CADM2: variants seen among roughly 807,000 people sequenced by gnomAD.
CADM2 encodes immunoglobulin superfamily member 4D.
CADM2 carries 12 observed loss-of-function variants against 49.8 expected under a neutral mutation model. The observed-to-expected ratio is 0.24, with a 90% CI of 0.15 to 0.39. The LOEUF (loss-of-function observed/expected upper bound fraction) is 0.39. CADM2 is among the 10% of genes least tolerant of loss of function. The pLI, the probability that CADM2 is intolerant of heterozygous loss-of-function variation, is 1.00. For synonymous variants in CADM2, 214 were observed against 175.4 expected, an observed-to-expected ratio of 1.22 and a Z score of -1.74; for missense variants, 378 against 492.3, an observed-to-expected ratio of 0.77 and a Z score of 2.20.
chr3:85,321,183 AAGAG>A (rs200464117), intron 1 of CADM2, among the ~76,000 whole-genome samples: 1 of 96,192 alleles, frequency 1.0e-5, no homozygotes, highest in African/African-American at 3.9e-5. Flanking sequence ...GAGAGAAAGA[AAGAG>A]AGAGAGAGAG....
At chr3:85,442,425 A>G (rs1021683946) in intron 1 of CADM2, among the ~76,000 whole-genome samples, 1 of 151,400 alleles carries the variant, frequency 6.6e-6, no homozygotes, top group Non-Finnish European at 1.5e-5. Context: ...TGTCAAGGGC[A>G]TTGATTTGTA....
chr3:85,423,032 G>C (rs1212065408), intron 1 of CADM2, among the ~76,000 whole-genome samples: 2 of 152,156 alleles, frequency 1.3e-5, no homozygotes. Flanking sequence ...GGTGAATGCA[G>C]GGATTTTATT....
intron 1 of CADM2, among the ~76,000 whole-genome samples, chr3:84,995,481 G>T (rs2033135546): frequency 1.3e-5 from 2 of 152,190 alleles, no homozygotes; most frequent in South Asian, 4.1e-4. Context: ...ATAACGGAAA[G>T]AAGCTTTAAT....
chr3:85,218,774 C>A (rs550750515), intron 1 of CADM2, among the ~76,000 whole-genome samples: 91 of 152,214 alleles, frequency 6.0e-4, no homozygotes, highest in Middle Eastern at 3.4e-3. Context: ...TCCAGCCTGG[C>A]AACAGAGTGA....
In CADM2 at chr3:85,611,409, C is replaced by A. The variant is rs968998852; in HGVS notation, c.62-115113C>A. 2.6e-5 allele frequency among the ~76,000 whole-genome samples: 4 copies of A among 151,682 alleles called. No homozygotes were observed. The Admixed American group carries it at 2.6e-4, about 10-fold the overall frequency. ...ATATCTCAGCATATCACGAAATTTT[C>A]AATTTATCTTGGGTTAGTTGAGCAC... On this transcript the variant is annotated intron_variant, in intron 1 of 9. Coordinates refer to ENST00000383699, the MANE Select transcript of CADM2 (RefSeq NM_001167675.2).
chr3:85,789,219 C>G (rs929026083), intron 2 of CADM2, among the ~76,000 whole-genome samples: 24 of 152,088 alleles, frequency 1.6e-4, no homozygotes, highest in Admixed American at 8.5e-4. Context: ...TTTGACATCT[C>G]AATTTAGAAT....
intron 1 of CADM2, among the ~76,000 whole-genome samples, chr3:85,133,315 T>C (rs1041025821): frequency 6.6e-6 from 1 of 152,158 alleles, no homozygotes; most frequent in Non-Finnish European, 1.5e-5. Context: ...TCCTGCTGAT[T>C]GGTAGAGCCC....
At chr3:85,601,169 T>A (rs201663531) in intron 1 of CADM2, among the ~76,000 whole-genome samples, 2 of 75,924 alleles carry the variant, frequency 2.6e-5, no homozygotes, top group Admixed American at 1.6e-4. Flanking sequence ...TATATATATA[T>A]ATATACACAC....
intron 1 of CADM2, among the ~76,000 whole-genome samples, chr3:85,539,332 T>C (rs1369396833): frequency 6.6e-6 from 1 of 152,074 alleles, no homozygotes; most frequent in East Asian, 1.9e-4. Flanking sequence ...TGATACTAAA[T>C]TTAAAAAATG....
chr3:85,993,689 A>G (rs758449415), intron 8 of CADM2: 4 of 152,174 alleles, frequency 2.6e-5, no homozygotes, highest in Non-Finnish European at 5.9e-5. Flanking sequence ...GTTGTGTTTA[A>G]CAGGCATGAA....
chr3:85,708,954 C>G (rs1243530734), intron 1 of CADM2, among the ~76,000 whole-genome samples: 1 of 151,720 alleles, frequency 6.6e-6, no homozygotes, highest in Non-Finnish European at 1.5e-5. Flanking sequence ...AAACCACAGC[C>G]CTCTCTCTAG....
intron 1 of CADM2, among the ~76,000 whole-genome samples, chr3:85,190,216 T>C (rs2041174852): frequency 6.6e-6 from 1 of 152,086 alleles, no homozygotes; most frequent in Non-Finnish European, 1.5e-5. Context: ...CTGGGGATCA[T>C]TTCAGAGGAT....
chr3:85,203,029 C>A, intron 1 of CADM2, among the ~76,000 whole-genome samples: 1 of 152,244 alleles, frequency 6.6e-6, no homozygotes, highest in South Asian at 2.1e-4. Context: ...AAGGGAGTTA[C>A]GGCCTTGCTC....
At chr3:85,179,977 G>T (rs1449245110) in intron 1 of CADM2, among the ~76,000 whole-genome samples, 1 of 151,964 alleles carries the variant, frequency 6.6e-6, no homozygotes, top group Non-Finnish European at 1.5e-5. Context: ...AAATGCTACA[G>T]GCACTGGGGA....
intron 8 of CADM2, among the ~76,000 whole-genome samples, chr3:86,057,144 A>G (rs1474809955): frequency 6.6e-6 from 1 of 152,208 alleles, no homozygotes; most frequent in East Asian, 1.9e-4. Context: ...AAATTACGAC[A>G]TAATAGATGG....
chr3:85,704,184 C>A (rs1428880063), intron 1 of CADM2, among the ~76,000 whole-genome samples: 1 of 152,154 alleles, frequency 6.6e-6, no homozygotes, highest in African/African-American at 2.4e-5. Flanking sequence ...CTAACAACAT[C>A]CTTAGTGCCT....
intron 1 of CADM2, among the ~76,000 whole-genome samples, chr3:85,493,754 G>T (rs1277625986): frequency 1.3e-5 from 2 of 152,166 alleles, no homozygotes; most frequent in East Asian, 1.9e-4. Context: ...TGAGTTGCTG[G>T]TGTGACTAAA....
chr3:85,632,379 G>T (rs987663800), intron 1 of CADM2, among the ~76,000 whole-genome samples: 1 of 152,020 alleles, frequency 6.6e-6, no homozygotes. Context: ...GTCATTATCA[G>T]CAGTGTGAAA....
At chr3:85,718,563 T>G (rs1357096868) in intron 1 of CADM2, among the ~76,000 whole-genome samples, 1 of 152,130 alleles carries the variant, frequency 6.6e-6, no homozygotes, top group Non-Finnish European at 1.5e-5. Flanking sequence ...TAAAAATTGG[T>G]ACTGACTCAT....
Sources: allele counts gnomAD v4.1 joint callset (sites outside exome capture counted in the v4.1 genomes callset), GRCh38; gene constraint gnomAD v4.1.1; transcripts MANE v1.5; gene names NCBI Gene and HGNC (gene_info 2026-07-23, HGNC 2026-07-21).